Variants in MLLT3 observed in about 807,000 individuals in gnomAD.
MLLT3 encodes the protein protein AF-9.
MLLT3 carries 4 observed loss-of-function variants against 53.2 expected under a neutral mutation model. That is an observed-to-expected ratio of 0.08 (90% CI 0.04 to 0.17). The LOEUF (loss-of-function observed/expected upper bound fraction) is 0.17, where lower values mean the gene tolerates loss of function less well. Among genes scored for constraint, MLLT3 ranks in the 10% least tolerant of loss-of-function variants. The pLI, the probability that MLLT3 is intolerant of heterozygous loss-of-function variation, is 1.00. For synonymous variants in MLLT3, 283 were observed against 230.6 expected, an observed-to-expected ratio of 1.23 and a Z score of -2.06; for missense variants, 569 against 684.0, an observed-to-expected ratio of 0.83 and a Z score of 1.87.
intron 10 of MLLT3, among the ~76,000 whole-genome samples, chr9:20,352,929 T>C (rs1273969571): frequency 1.3e-5 from 2 of 152,126 alleles, no homozygotes; most frequent in African/African-American, 4.8e-5. Context: ...ATTAACTGAA[T>C]GAAAATGAAA....
intron 2 of MLLT3, among the ~76,000 whole-genome samples, chr9:20,553,687 G>A (rs1818983659): frequency 6.6e-6 from 1 of 152,100 alleles, no homozygotes; most frequent in African/African-American, 2.4e-5. Flanking sequence ...CCCCCAAAAG[G>A]CTGGTCAAAT....
At chr9:20,395,638 GGATA>G (rs1162493909) in intron 5 of MLLT3, among the ~76,000 whole-genome samples, 1 of 152,100 alleles carries the variant, frequency 6.6e-6, no homozygotes, top group Non-Finnish European at 1.5e-5. Flanking sequence ...CTTTCTCCCT[GGATA>G]GATATTTGGC....
At chr9:20,348,400 T>G (rs2118588072) in intron 10 of MLLT3, among the ~76,000 whole-genome samples, 1 of 152,320 alleles carries the variant, frequency 6.6e-6, no homozygotes, top group African/African-American at 2.4e-5. Context: ...GGTATGCATC[T>G]TTTGCCTTCT....
intron 4 of MLLT3, among the ~76,000 whole-genome samples, chr9:20,444,930 T>A (rs1337413348): frequency 7.8e-6 from 1 of 128,662 alleles, no homozygotes; most frequent in Non-Finnish European, 1.5e-5. Flanking sequence ...TGTCTCTACA[T>A]TTTTTTTTTT....
intron 5 of MLLT3, 106 bp from the exon 6 acceptor site, chr9:20,365,850 T>C (rs989407425): frequency 2.8e-6 from 3 of 1,058,724 alleles, no homozygotes; most frequent in Admixed American, 2.2e-5. Flanking sequence ...AAAACCGTGA[T>C]GCATTTCATT....
chr9:20,521,910 A>G (rs957711488), intron 2 of MLLT3, among the ~76,000 whole-genome samples: 1 of 152,196 alleles, frequency 6.6e-6, no homozygotes, highest in African/African-American at 2.4e-5. Context: ...AAAGAAGAGG[A>G]AAGAATGAAG....
chr9:20,447,698 A>T (rs1266287961), intron 4 of MLLT3, among the ~76,000 whole-genome samples: 1 of 152,150 alleles, frequency 6.6e-6, no homozygotes, highest in African/African-American at 2.4e-5. Flanking sequence ...GAGTGAAGAT[A>T]CCTTTTTTAA....
In MLLT3 at chr9:20,354,857, A is replaced by C; in HGVS notation, c.1454T>G (p.Ile485Arg). 6.2e-7 allele frequency: 1 copy of C among 1,612,836 alleles called. No homozygotes were observed. The highest frequency in any genetic ancestry group is 8.5e-7 in the Non-Finnish European group (1 of 1,179,038). Residue 485 changes from isoleucine (I) to arginine (R), a missense_variant, in exon 9 of 11, where the codon ATA becomes AGA. By Grantham distance (97) the Ile-to-Arg change is moderately conservative. This residue lies in a region of MLLT3 where 437 missense variants were observed against 376.5 expected (regional missense o/e 1.16). Coordinates refer to ENST00000380338, the MANE Select transcript of MLLT3 (RefSeq NM_004529.4). ...NNQILEVKSP[I>R]KQSKSDKQIK... ...TTGCTTATCTGATTTGCTTTGCTTT[A>C]TTGGACTTTTCACTTCAAGAATCTA...
At chr9:20,503,140 C>T (rs923913686) in intron 2 of MLLT3, among the ~76,000 whole-genome samples, 1 of 152,116 alleles carries the variant, frequency 6.6e-6, no homozygotes, top group Non-Finnish European at 1.5e-5. Context: ...AAGTGATCTA[C>T]AGATTCCCCA....
intron 2 of MLLT3, among the ~76,000 whole-genome samples, chr9:20,565,785 T>C (rs1819338011): frequency 6.6e-6 from 1 of 150,546 alleles, no homozygotes; most frequent in African/African-American, 2.4e-5. Context: ...CTAGATAAGC[T>C]AGTCACTACC....
At chr9:20,383,549 T>TA (rs1409668453) in intron 5 of MLLT3, among the ~76,000 whole-genome samples, 2 of 151,908 alleles carry the variant, frequency 1.3e-5, no homozygotes, top group African/African-American at 4.8e-5. Context: ...TACCAATTCA[T>TA]ATCGCTAATG....
intron 2 of MLLT3, among the ~76,000 whole-genome samples, chr9:20,612,215 C>G (rs1201448868): frequency 6.6e-6 from 1 of 152,120 alleles, no homozygotes; most frequent in Non-Finnish European, 1.5e-5. Flanking sequence ...TGTCTACATG[C>G]AAGATTGCTC....
chr9:20,582,281 C>T (rs919235496), intron 2 of MLLT3, among the ~76,000 whole-genome samples: 12 of 152,162 alleles, frequency 7.9e-5, no homozygotes, highest in African/African-American at 2.2e-4. Flanking sequence ...CTCTGTTGTA[C>T]GGAAGTTCTA....
chr9:20,366,880 T>C (rs1314206532), intron 5 of MLLT3, among the ~76,000 whole-genome samples: 2 of 152,246 alleles, frequency 1.3e-5, no homozygotes, highest in Non-Finnish European at 2.9e-5. Context: ...GATACCTTGA[T>C]TACCCTTTCT....
chr9:20,452,100 G>T (rs1006979671), intron 3 of MLLT3, among the ~76,000 whole-genome samples: 4 of 152,130 alleles, frequency 2.6e-5, no homozygotes, highest in Admixed American at 2.0e-4. Flanking sequence ...TTAATACGTG[G>T]AATTAAGACT....
At chr9:20,502,805 T>G (rs192223748) in intron 2 of MLLT3, among the ~76,000 whole-genome samples, 6 of 152,190 alleles carry the variant, frequency 3.9e-5, no homozygotes, top group Non-Finnish European at 8.8e-5. Context: ...CCCTAACATC[T>G]CCATCAAAAA....
chr9:20,528,079 TG>T (rs1818246182), intron 2 of MLLT3, among the ~76,000 whole-genome samples: 3 of 152,354 alleles, frequency 2.0e-5, no homozygotes, highest in African/African-American at 7.2e-5. Context: ...TTCCAGCATT[TG>T]GTACATGTTC....
At chr9:20,592,498 A>G (rs1190709547) in intron 2 of MLLT3, among the ~76,000 whole-genome samples, 1 of 152,104 alleles carries the variant, frequency 6.6e-6, no homozygotes. Flanking sequence ...TCTTCTTATA[A>G]GGACACAAGT....
intron 2 of MLLT3, among the ~76,000 whole-genome samples, chr9:20,566,014 T>A (rs10964614): frequency 0.022 from 2,856 of 127,774 alleles, 184 homozygotes; most frequent in African/African-American, 0.079. Context: ...ATATATATTT[T>A]TATATATATT....
Sources: allele counts gnomAD v4.1 joint callset (sites outside exome capture counted in the v4.1 genomes callset), GRCh38; gene constraint gnomAD v4.1.1; regional missense constraint gnomAD v4.1.1; transcripts MANE v1.5; gene names NCBI Gene and HGNC (gene_info 2026-07-23, HGNC 2026-07-21).